SLC13A2: variants seen among roughly 807,000 people sequenced by gnomAD.
SLC13A2 encodes the protein Na(+)-coupled citrate transporter.
SLC13A2 carries 40 observed loss-of-function variants against 58.5 expected under a neutral mutation model. The observed-to-expected ratio is 0.68, with a 90% confidence interval of 0.53 to 0.89. The LOEUF (loss-of-function observed/expected upper bound fraction) is 0.89. SLC13A2 is among the 40% of genes least tolerant of loss of function. The probability of loss-of-function intolerance (pLI) is 0.00; values close to 1 mark genes in which losing one functional copy is unlikely to be tolerated. For missense variants in SLC13A2, 694 were observed against 772.6 expected (o/e 0.90, Z 1.21); for synonymous variants, 341 against 331.6 (o/e 1.03, Z -0.31).
At chr17:28,480,676 T>C (rs782558630) in intron 1 of SLC13A2, among the ~76,000 whole-genome samples, 1 of 152,170 alleles carries the variant, frequency 6.6e-6, no homozygotes, top group African/African-American at 2.4e-5. Context: ...ACCTGGCACC[T>C]GGGGCTTGAT....
At chr17:28,475,106 T>C (rs1293899403) in intron 1 of SLC13A2, among the ~76,000 whole-genome samples, 1 of 152,204 alleles carries the variant, frequency 6.6e-6, no homozygotes, top group Non-Finnish European at 1.5e-5. Context: ...CTGGGGCAAG[T>C]GTGTTAACCC....
chr17:28,486,068 C>A (rs1051098069), intron 1 of SLC13A2, among the ~76,000 whole-genome samples: 14 of 152,110 alleles, frequency 9.2e-5, no homozygotes, highest in South Asian at 8.3e-4. Flanking sequence ...TACAAATAAA[C>A]CAATTATTTT....
chr17:28,479,940 G>T (rs1236641978), intron 1 of SLC13A2, among the ~76,000 whole-genome samples: 1 of 152,040 alleles, frequency 6.6e-6, no homozygotes, highest in Admixed American at 6.5e-5. Context: ...GGATCACCTG[G>T]AGTCAGGAGT....
At chr17:28,478,893 C>T (rs1555600555) in intron 1 of SLC13A2, among the ~76,000 whole-genome samples, 2 of 152,118 alleles carry the variant, frequency 1.3e-5, no homozygotes, top group African/African-American at 4.8e-5. Flanking sequence ...AGAAACAATG[C>T]AGCAGGCTAT....
In SLC13A2 at chr17:28,489,322, G is replaced by C; in HGVS notation, c.211G>C (p.Gly71Arg). The C allele has an allele frequency of 6.2e-7, 1 of 1,611,352 alleles. No homozygotes were observed. ...LFPLILFPMMGIVDASEVAVE... is the reference protein window; with the variant it reads ...LFPLILFPMMRIVDASEVAVE... ...CCCCTTAATCCTGTTCCCTATGATG[G>C]GCATCGTGGATGCCTCTGAGGTGAG... The change falls in exon 2 of 12, where the codon GGC (glycine) becomes CGC (arginine). Residue 71 changes from glycine (G) to arginine (R), a missense_variant. Gly to Arg is a moderately radical substitution (Grantham distance 125). Coordinates refer to ENST00000314669, the MANE Select transcript of SLC13A2 (RefSeq NM_003984.4).
intron 1 of SLC13A2, among the ~76,000 whole-genome samples, chr17:28,478,345 C>T (rs2068728106): frequency 6.6e-6 from 1 of 152,228 alleles, no homozygotes; most frequent in Non-Finnish European, 1.5e-5. Flanking sequence ...TGAGCTCTTG[C>T]TCTGTGTCAG....
intron 1 of SLC13A2, among the ~76,000 whole-genome samples, chr17:28,477,389 T>G (rs1334198889): frequency 5.3e-5 from 8 of 150,960 alleles, no homozygotes; most frequent in Non-Finnish European, 1.2e-4. Context: ...AGAGACGGGG[T>G]TTCACCGTGT....
At position 28,493,740 on chromosome 17, in the gene SLC13A2, T is replaced by C; in HGVS notation, c.1048T>C (p.Phe350Leu). Residue 350 changes from phenylalanine (F) to leucine (L), a missense_variant, in exon 7 of 12, where the codon TTT becomes CTT. Phe to Leu is a conservative substitution (Grantham distance 22, BLOSUM62 0). Coordinates refer to ENST00000314669, the MANE Select transcript of SLC13A2 (RefSeq NM_003984.4). ...GCTCTGGTTCACCCGGGAGCCGGGC[T>C]TTTTTCTTGGCTGGGGCAATTTGGC... The part of the protein sequence containing the change: ...VLLWFTREPG[F>L]FLGWGNLAFP... 1 of 1,614,170 alleles carries C rather than the reference T, an allele frequency of 6.2e-7. No individual in the cohort carries two copies.
intron 1 of SLC13A2, among the ~76,000 whole-genome samples, chr17:28,486,607 ATGT>A: frequency 6.6e-6 from 1 of 151,934 alleles, no homozygotes; most frequent in African/African-American, 2.4e-5. Context: ...CAAATGCAAG[ATGT>A]TTAAAGGGTT....
chr17:28,497,397 A>C lies in SLC13A2; in HGVS notation c.*128A>C. 3 of 1,010,290 alleles carry C rather than the reference A, an allele frequency of 3.0e-6. No individual in the cohort carries two copies. Among genetic ancestry groups the C allele is most frequent in the Non-Finnish European group, 4.3e-6 (3 of 698,426 alleles). The allele number at this position is 1,010,290 out of a possible 1,614,324, so 62.6% of individuals were successfully genotyped here. On this transcript the variant is annotated 3_prime_UTR_variant, in exon 12 of 12. Transcript: ENST00000314669. ...AGGCTGAAAGGCACGTGTGTACATA[A>C]TCTCTTGCGTGTCTGTAAGGAAGGG... is the stretch of plus-strand genomic sequence containing the variant.
rs1382064459 is a variant in SLC13A2, at chr17:28,494,903, C to T, written c.1308+391C>T. 6.6e-6 allele frequency among the ~76,000 whole-genome samples: 1 copy of T among 152,152 alleles called. No homozygotes were observed. Among genetic ancestry groups the T allele is most frequent in the East Asian group, 1.9e-4 (1 of 5,188 alleles). On this transcript the variant is annotated intron_variant, in intron 9 of 11. Transcript: ENST00000314669. This position sits in a 1 kb window ranked among gnomAD's most constrained non-coding sequence, Gnocchi z 4.0. ...CGCAGCCACCAGGGGGCACCATGAT[C>T]ACACCCACCCAGGCTCTGGGGACCA...
chr17:28,487,684 C>A (rs998909505), intron 1 of SLC13A2: 4 of 586,296 alleles, frequency 6.8e-6, no homozygotes, highest in African/African-American at 2.0e-5. Context: ...TCAGTCATTG[C>A]GGGTGAGGAA....
chr17:28,479,333 G>A (rs1177714434), intron 1 of SLC13A2, among the ~76,000 whole-genome samples: 1 of 152,218 alleles, frequency 6.6e-6, no homozygotes, highest in Non-Finnish European at 1.5e-5. Flanking sequence ...AAGGGATTAA[G>A]CAAGGCCAGT....
intron 1 of SLC13A2, among the ~76,000 whole-genome samples, chr17:28,481,055 C>T (rs2151447284): frequency 6.6e-6 from 1 of 152,302 alleles, no homozygotes; most frequent in East Asian, 1.9e-4. Flanking sequence ...CCCTGTTTAT[C>T]GGCACCTGCT....
chr17:28,485,171 G>A (rs1278721552), intron 1 of SLC13A2, among the ~76,000 whole-genome samples: 1 of 152,164 alleles, frequency 6.6e-6, no homozygotes, highest in African/African-American at 2.4e-5. Context: ...AGAAAGAAGA[G>A]CATTCGCCAC....
chr17:28,481,338 A>C (rs1555601085), intron 1 of SLC13A2, among the ~76,000 whole-genome samples: 7 of 152,196 alleles, frequency 4.6e-5, no homozygotes, highest in Non-Finnish European at 1.0e-4. Flanking sequence ...CATTCACATC[A>C]AGGTGTGCAA....
chr17:28,496,705 C>T lies in SLC13A2; in HGVS notation c.1608+118C>T, dbSNP rs782742132. On this transcript the variant is annotated intron_variant, in intron 11 of 11. Coordinates refer to ENST00000314669, the MANE Select transcript of SLC13A2 (RefSeq NM_003984.4). This position sits in a 1 kb window ranked among gnomAD's most constrained non-coding sequence, Gnocchi z 4.2. ...GTCTCAGAGTTGAGCGGGTCCTCAT[C>T]TGGAATGAAGGTGCAGTTGGGGAGG... The T allele has an allele frequency of 1.4e-6, 2 of 1,402,478 alleles. No individual in the cohort carries two copies. Among genetic ancestry groups the T allele is most frequent in the Non-Finnish European group, 1.9e-6 (2 of 1,043,538 alleles). The allele number at this position is 1,402,478 out of a possible 1,614,324, so 86.9% of individuals were successfully genotyped here. A position where few individuals can be genotyped will look rare whatever the true frequency, so the allele number is the denominator to read the frequency against.
chr17:28,473,670 C>A lies in SLC13A2; in HGVS notation c.-43C>A. ...CATCTTTGGTCCTTCTGTTACCCAG[C>A]TCCTGGAGGCAGTGGCTGTAGCAGC... On this transcript the variant is annotated 5_prime_UTR_variant, in exon 1 of 12. Coordinates refer to ENST00000314669, the MANE Select transcript of SLC13A2 (RefSeq NM_003984.4). 2 of 1,493,798 alleles carry A rather than the reference C, an allele frequency of 1.3e-6. No homozygotes were observed. Among genetic ancestry groups the A allele is most frequent in the Non-Finnish European group, 9.3e-7 (1 of 1,075,428 alleles). The allele number at this position is 1,493,798 out of a possible 1,614,324, so 92.5% of individuals were successfully genotyped here. A position where few individuals can be genotyped will look rare whatever the true frequency, so the allele number is the denominator to read the frequency against.
chr17:28,478,629 T>A (rs2068732380), intron 1 of SLC13A2, among the ~76,000 whole-genome samples: 1 of 152,066 alleles, frequency 6.6e-6, no homozygotes, highest in African/African-American at 2.4e-5. Context: ...TAGTAGGGTG[T>A]GTTTGAGGGG....
Sources: gnomAD v4.1 joint callset for allele counts (sites outside exome capture counted in the v4.1 genomes callset) on GRCh38, gnomAD v4.1.1 for gene constraint, Gnocchi (gnomAD v3.1) non-coding constraint, MANE v1.5 for transcripts, NCBI Gene and HGNC (gene_info 2026-07-23, HGNC 2026-07-21) for gene names.